The following SPRYD4 variants were observed in gnomAD, a reference collection of about 807,000 sequenced individuals.
SPRYD4 encodes the protein SPRY domain-containing protein 4.
In SPRYD4, 12 loss-of-function variants were observed where a neutral mutation model predicts 16.6. The ratio of observed to expected loss-of-function variants is 0.72; its 90% CI spans 0.46 to 1.17. The LOEUF (loss-of-function observed/expected upper bound fraction) is 1.17. SPRYD4 is among the 50% of genes most tolerant of loss of function. The pLI is 0.00. For synonymous variants in SPRYD4, 98 were observed against 105.4 expected (o/e 0.93, Z 0.43); for missense variants, 260 against 260.2 (o/e 1.00, Z 0.00).
Position 56,474,846 on chromosome 12 carries a change from C to T in SPRYD4, c.*5269C>T, listed in dbSNP as rs576524440. On this transcript the variant is annotated 3_prime_UTR_variant, in exon 2 of 2. Transcript: ENST00000338146. Reference sequence around the variant, plus strand: ...TCGGCCCTGAGCAGTGTTTTCTTACCTGGAAGTAGAGATCAAGGGCAGCCA... The same window carrying T: ...TCGGCCCTGAGCAGTGTTTTCTTACTTGGAAGTAGAGATCAAGGGCAGCCA... 1.2e-6 allele frequency: 2 copies of T among 1,614,180 alleles called. No individual in the cohort carries two copies. Among genetic ancestry groups the T allele is most frequent in the African/African-American group, 2.7e-5 (2 of 75,044 alleles).
chr12:56,472,236 A>C lies in SPRYD4; in HGVS notation c.*2659A>C. 6.4e-7 allele frequency: 1 copy of C among 1,574,390 alleles called. No individual in the cohort carries two copies. The highest frequency in any genetic ancestry group is 8.7e-7 in the Non-Finnish European group (1 of 1,144,076). ...AAGCAGCTAGAGTTGCCTAGATCAG[A>C]CTGGAATCACAGGTGTTCTTTGTGA... On this transcript the variant is annotated 3_prime_UTR_variant, in exon 2 of 2. Transcript: ENST00000338146.
In SPRYD4 at chr12:56,473,832, C is replaced by G; in HGVS notation, c.*4255C>G. 1 of 451,280 alleles carries G rather than the reference C, an allele frequency of 2.2e-6. No individual in the cohort carries two copies. The highest frequency in any genetic ancestry group is 3.8e-6 in the Non-Finnish European group (1 of 261,000). The allele number at this position is 451,280 out of a possible 1,614,324, so 28.0% of individuals were successfully genotyped here. On this transcript the variant is annotated 3_prime_UTR_variant, in exon 2 of 2. Coordinates refer to ENST00000338146, the MANE Select transcript of SPRYD4 (RefSeq NM_207344.4). ...ACAGCATTCTGTGCTAGATGCTGTG[C>G]TAGAACTAGGAACTTCCATTCTGGT... is the stretch of plus-strand genomic sequence containing the variant.
rs535172832 is a variant in SPRYD4 at position 56,472,512 on chromosome 12, GCAGA to G, written c.*2939_*2942del. 43 of 626,656 alleles carry G rather than the reference GCAGA, an allele frequency of 6.9e-5. No homozygotes were observed. The South Asian group carries it at 7.8e-4, about 11-fold the overall frequency. The allele number at this position is 626,656 out of a possible 1,614,324, so 38.8% of individuals were successfully genotyped here. ...AATGGCTAACATTAATTATCATAGAGCAGACAGTTTACTTTTTTTAAAAAAAATC... is the reference window on the plus strand; with the variant it reads ...AATGGCTAACATTAATTATCATAGAGCAGTTTACTTTTTTTAAAAAAAATC... On this transcript the variant is annotated 3_prime_UTR_variant, in exon 2 of 2. Coordinates refer to ENST00000338146, the MANE Select transcript of SPRYD4 (RefSeq NM_207344.4).
rs1181298056 is a variant in SPRYD4 at position 56,475,167 on chromosome 12, G to A, written c.*5590G>A. ...TTGGAGGAGTGGGTGTTGGGAGAAG[G>A]GGAAAAATTACCTTCCCTGGAGAGA... is the stretch of plus-strand genomic sequence containing the variant. On this transcript the variant is annotated 3_prime_UTR_variant, in exon 2 of 2. Transcript: ENST00000338146. 2 of 1,610,554 alleles carry A rather than the reference G, an allele frequency of 1.2e-6. No individual in the cohort carries two copies. The highest frequency in any genetic ancestry group is 1.6e-4 in the Middle Eastern group (1 of 6,084).
rs1869152034 is a variant in SPRYD4, at chr12:56,469,603, C to T, written c.*26C>T. 6.3e-7 allele frequency: 1 copy of T among 1,589,460 alleles called. No individual in the cohort carries two copies. Among genetic ancestry groups the T allele is most frequent in the African/African-American group, 1.3e-5 (1 of 74,140 alleles). On this transcript the variant is annotated 3_prime_UTR_variant, in exon 2 of 2. Coordinates refer to ENST00000338146, the MANE Select transcript of SPRYD4 (RefSeq NM_207344.4). ...TATGTCCATTACTGGAGTCCCTAAT[C>T]ACGCCTTTGGCCAGCCTCCTTTTGA...
rs148438742 is a variant in SPRYD4, at chr12:56,477,362, G to A, written c.*7785G>A. The stretch of plus-strand genomic sequence containing the variant: ...CCTTGTCTCTGGCATTTGGCCCTTG[G>A]TCCTAGGCAGGGGTCAGGACCTGCT... On this transcript the variant is annotated 3_prime_UTR_variant, in exon 2 of 2. Transcript: ENST00000338146. 185 of 256,166 alleles carry A rather than the reference G, an allele frequency of 7.2e-4. 1 individual carries two copies. Among genetic ancestry groups the A allele is most frequent in the African/African-American group, 3.9e-3 (176 of 44,946 alleles). 15.9% of individuals were successfully genotyped at this position (256,166 alleles called of 1,614,324 possible). A position where few individuals can be genotyped will look rare whatever the true frequency, so the allele number is the denominator to read the frequency against.
At position 56,469,155 on chromosome 12, in the gene SPRYD4, G is replaced by A; in HGVS notation, c.202G>A (p.Val68Met). The change falls in exon 2 of 2, where the codon GTG (valine) becomes ATG (methionine). Residue 68 changes from valine (V) to methionine (M), a missense_variant. Val to Met is a conservative substitution (Grantham distance 21, BLOSUM62 1). Transcript: ENST00000338146. Reference sequence around the variant, plus strand: ...GGAGCCCACCAAGGTGGCCTTGAATGTGGAGCGCTTCCGGGAGTGGGCAGT... The same window carrying A: ...GGAGCCCACCAAGGTGGCCTTGAATATGGAGCGCTTCCGGGAGTGGGCAGT... Reference protein sequence around the residue: ...GLEPTKVALNVERFREWAVVL... With the variant: ...GLEPTKVALNMERFREWAVVL... The A allele has an allele frequency of 6.2e-7, 1 of 1,614,178 alleles. No homozygotes were observed. The highest frequency in any genetic ancestry group is 8.5e-7 in the Non-Finnish European group (1 of 1,180,040).
chr12:56,468,756 TCCAAC>T, intron 1 of SPRYD4, 80 bp downstream of exon 1: 1 of 1,449,788 alleles, frequency 6.9e-7, no homozygotes. Context: ...GAGAAGCAAC[TCCAAC>T]CCTCTCGGGT....
Position 56,474,806 on chromosome 12 carries a change from G to T in SPRYD4, c.*5229G>T, listed in dbSNP as rs372835857. 6.2e-7 allele frequency: 1 copy of T among 1,613,180 alleles called. No homozygotes were observed. The highest frequency in any genetic ancestry group is 8.5e-7 in the Non-Finnish European group (1 of 1,179,644). The stretch of plus-strand genomic sequence containing the variant: ...TAGGGAAAGGGCAAGGGCAAGGACA[G>T]TCTGTCCTGTTCCCTCGGCCCTGAG... On this transcript the variant is annotated 3_prime_UTR_variant, in exon 2 of 2. Transcript: ENST00000338146.
Position 56,474,940 on chromosome 12 carries a change from C to G in SPRYD4, c.*5363C>G. 6.2e-7 allele frequency: 1 copy of G among 1,613,958 alleles called. No individual in the cohort carries two copies. Among genetic ancestry groups the G allele is most frequent in the Non-Finnish European group, 8.5e-7 (1 of 1,179,968 alleles). On this transcript the variant is annotated 3_prime_UTR_variant, in exon 2 of 2. Transcript: ENST00000338146. ...AGAGCATTTCTCTTCAGGACATCAGCCCTTTCACACTGTCAGGGTCTCAGC... is the reference window on the plus strand; with the variant it reads ...AGAGCATTTCTCTTCAGGACATCAGGCCTTTCACACTGTCAGGGTCTCAGC...
rs1483452706 is a variant in SPRYD4 at position 56,473,083 on chromosome 12, G to T, written c.*3506G>T. On this transcript the variant is annotated 3_prime_UTR_variant, in exon 2 of 2. Transcript: ENST00000338146. ...TTTTTGTATTTTCAATAGAGACCAG[G>T]TTTCACCGTGTTAGCCAGGATGGTC... The T allele has an allele frequency of 2.7e-6, 2 of 728,690 alleles. No homozygotes were observed. Among genetic ancestry groups the T allele is most frequent in the Admixed American group, 5.8e-5 (2 of 34,686 alleles). The allele number at this position is 728,690 out of a possible 1,614,324, so 45.1% of individuals were successfully genotyped here. A position where few individuals can be genotyped will look rare whatever the true frequency, so the allele number is the denominator to read the frequency against.
chr12:56,475,214 A>C lies in SPRYD4; in HGVS notation c.*5637A>C. On this transcript the variant is annotated 3_prime_UTR_variant, in exon 2 of 2. Coordinates refer to ENST00000338146, the MANE Select transcript of SPRYD4 (RefSeq NM_207344.4). ...GAGACAGAACTACATCACACCACAAACTAAATGAACCCCTTTATAACTTCT... is the reference window on the plus strand; with the variant it reads ...GAGACAGAACTACATCACACCACAACCTAAATGAACCCCTTTATAACTTCT... The C allele has an allele frequency of 6.2e-7, 1 of 1,601,968 alleles. No individual in the cohort carries two copies. Among genetic ancestry groups the C allele is most frequent in the Non-Finnish European group, 8.5e-7 (1 of 1,179,428 alleles).
In SPRYD4 at chr12:56,472,465, A is replaced by T. The variant is rs1209152446; in HGVS notation, c.*2888A>T. On this transcript the variant is annotated 3_prime_UTR_variant, in exon 2 of 2. Transcript: ENST00000338146. ...AGGCAGGGTACCTACTTCCTAGGAC[A>T]CTGCTCTTAACACTCAATAACAATG... is the stretch of plus-strand genomic sequence containing the variant. 1 of 604,086 alleles carries T rather than the reference A, an allele frequency of 1.7e-6. No homozygotes were observed. The highest frequency in any genetic ancestry group is 1.9e-5 in the African/African-American group (1 of 53,938). 37.4% of individuals were successfully genotyped at this position (604,086 alleles called of 1,614,324 possible).
Position 56,471,455 on chromosome 12 carries a change from T to C in SPRYD4, c.*1878T>C. 1 of 1,584,160 alleles carries C rather than the reference T, an allele frequency of 6.3e-7. No individual in the cohort carries two copies. Among genetic ancestry groups the C allele is most frequent in the South Asian group, 1.2e-5 (1 of 86,694 alleles). On this transcript the variant is annotated 3_prime_UTR_variant, in exon 2 of 2. Coordinates refer to ENST00000338146, the MANE Select transcript of SPRYD4 (RefSeq NM_207344.4). ...TTACATGTGTGGCCAGCTCATGCTT[T>C]TTCTTGAGCAGGGGCTGTCCATGAC...
In SPRYD4 at chr12:56,471,447, T is replaced by C. The variant is rs1208676721; in HGVS notation, c.*1870T>C. On this transcript the variant is annotated 3_prime_UTR_variant, in exon 2 of 2. Transcript: ENST00000338146. ...GTTATGGATTACATGTGTGGCCAGC[T>C]CATGCTTTTTCTTGAGCAGGGGCTG... The C allele has an allele frequency of 6.3e-7, 1 of 1,577,802 alleles. No homozygotes were observed. The highest frequency in any genetic ancestry group is 1.8e-5 in the Admixed American group (1 of 55,292).
At position 56,477,333 on chromosome 12, in the gene SPRYD4, C is replaced by A; in HGVS notation, c.*7756C>A. 1 of 218,924 alleles carries A rather than the reference C, an allele frequency of 4.6e-6. No individual in the cohort carries two copies. The allele number at this position is 218,924 out of a possible 1,614,324, so 13.6% of individuals were successfully genotyped here. ...CCAATCAGTGCCCAATAGTGCTGTCCTCCCCTTGTCTCTGGCATTTGGCCC... is the reference window on the plus strand; with the variant it reads ...CCAATCAGTGCCCAATAGTGCTGTCATCCCCTTGTCTCTGGCATTTGGCCC... On this transcript the variant is annotated 3_prime_UTR_variant, in exon 2 of 2. Coordinates refer to ENST00000338146, the MANE Select transcript of SPRYD4 (RefSeq NM_207344.4).
chr12:56,473,162 TACAGGCGTGAGCC>T lies in SPRYD4; in HGVS notation c.*3588_*3600del. 1 of 1,456,718 alleles carries T rather than the reference TACAGGCGTGAGCC, an allele frequency of 6.9e-7. No individual in the cohort carries two copies. Among genetic ancestry groups the T allele is most frequent in the South Asian group, 1.2e-5 (1 of 86,834 alleles). 90.2% of individuals were successfully genotyped at this position (1,456,718 alleles called of 1,614,324 possible). A position where few individuals can be genotyped will look rare whatever the true frequency, so the allele number is the denominator to read the frequency against. On this transcript the variant is annotated 3_prime_UTR_variant, in exon 2 of 2. Transcript: ENST00000338146. ...CCTTGGCCTCTCAAAGTGCAGGGAT[TACAGGCGTGAGCC>T]ACCGCACCTGGCCTTTGAAATATTC...
In SPRYD4 at chr12:56,475,586, C is replaced by T; in HGVS notation, c.*6009C>T. 6.2e-7 allele frequency: 1 copy of T among 1,600,448 alleles called. No individual in the cohort carries two copies. On this transcript the variant is annotated 3_prime_UTR_variant, in exon 2 of 2. Transcript: ENST00000338146. ...CCATCCTAAGTACACACACATACAC[C>T]ACAATGCTTTCAGTCAGTCCTCTGA...
chr12:56,472,663 G>T lies in SPRYD4; in HGVS notation c.*3086G>T. Reference sequence around the variant, plus strand: ...AATCTCTGACCAGGAGTATTTTATTGTGTATATTTGGTCACAGTAGCATTA... The same window carrying T: ...AATCTCTGACCAGGAGTATTTTATTTTGTATATTTGGTCACAGTAGCATTA... On this transcript the variant is annotated 3_prime_UTR_variant, in exon 2 of 2. Transcript: ENST00000338146. 2 of 1,601,044 alleles carry T rather than the reference G, an allele frequency of 1.2e-6. No homozygotes were observed. Among genetic ancestry groups the T allele is most frequent in the Non-Finnish European group, 1.7e-6 (2 of 1,168,440 alleles).
Sources: gnomAD v4.1 joint callset for allele counts on GRCh38, gnomAD v4.1.1 for gene constraint, MANE v1.5 for transcripts, NCBI Gene and HGNC (gene_info 2026-07-23, HGNC 2026-07-21) for gene names.